Variants in MELK observed in about 807,000 individuals in gnomAD.
MELK encodes maternal embryonic leucine zipper kinase.
A neutral mutation model predicts 85.0 loss-of-function variants in MELK; 81 were observed. The observed-to-expected ratio is 0.95, with a 90% CI of 0.80 to 1.15. The LOEUF (loss-of-function observed/expected upper bound fraction) is 1.15. Among genes scored for constraint, MELK ranks in the 50% most tolerant of loss-of-function variants. The probability of loss-of-function intolerance (pLI) is 0.00; values close to 1 mark genes in which losing one functional copy is unlikely to be tolerated. For synonymous variants in MELK, 252 were observed against 265.0 expected (o/e 0.95, Z 0.48); for missense variants, 754 against 777.5 (o/e 0.97, Z 0.36).
chr9:36,619,273 CT>C (rs1241832921), intron 8 of MELK, among the ~76,000 whole-genome samples: 1 of 152,160 alleles, frequency 6.6e-6, no homozygotes, highest in Non-Finnish European at 1.5e-5. Context: ...TCTACGTATT[CT>C]TTAGGCAGTC....
intron 3 of MELK, among the ~76,000 whole-genome samples, chr9:36,587,682 C>T (rs1467398831): frequency 1.0e-4 from 15 of 149,690 alleles, no homozygotes; most frequent in Admixed American, 2.0e-4. Context: ...TGGCAACCTC[C>T]GCCTCCTGGG....
chr9:36,616,202 A>G (rs1174108283), intron 8 of MELK, among the ~76,000 whole-genome samples: 3 of 152,214 alleles, frequency 2.0e-5, no homozygotes, highest in South Asian at 2.1e-4. Context: ...CCCTTTGTAT[A>G]TACAGGTCTA....
chr9:36,676,270 A>G (rs1034682094), intron 17 of MELK, among the ~76,000 whole-genome samples: 15 of 152,244 alleles, frequency 9.9e-5, no homozygotes, highest in African/African-American at 3.6e-4. Context: ...AAAAGTACAT[A>G]ACTGAAACAA....
At chr9:36,647,128 CT>C (rs1221152724) in intron 11 of MELK, among the ~76,000 whole-genome samples, 1 of 152,058 alleles carries the variant, frequency 6.6e-6, no homozygotes, top group East Asian at 1.9e-4. Flanking sequence ...GAAAAAGATG[CT>C]TTTTTTGCCT....
At chr9:36,673,245 G>A (rs1472584164) in intron 16 of MELK, among the ~76,000 whole-genome samples, 1 of 152,078 alleles carries the variant, frequency 6.6e-6, no homozygotes, top group Non-Finnish European at 1.5e-5. Flanking sequence ...AAGAGTGCTG[G>A]ATCAGGAACC....
intron 8 of MELK, among the ~76,000 whole-genome samples, chr9:36,627,522 CTCTT>C (rs1828058200): frequency 7.3e-6 from 1 of 137,068 alleles, no homozygotes; most frequent in Admixed American, 7.0e-5. Context: ...CTCTCTCTCT[CTCTT>C]TTTTTTTTTT....
At chr9:36,667,635 G>A (rs1487288118) in intron 14 of MELK, among the ~76,000 whole-genome samples, 4 of 152,206 alleles carry the variant, frequency 2.6e-5, no homozygotes, top group Non-Finnish European at 5.9e-5. Context: ...GTTGGTCAAA[G>A]CTATTATTGG....
intron 4 of MELK, among the ~76,000 whole-genome samples, chr9:36,592,042 G>A (rs965667342): frequency 1.1e-4 from 17 of 152,050 alleles, no homozygotes; most frequent in African/African-American, 3.4e-4. Flanking sequence ...ATAGAAATGG[G>A]GGTCTTGGCC....
At chr9:36,665,856 A>G (rs1302745294) in intron 14 of MELK, among the ~76,000 whole-genome samples, 1 of 152,240 alleles carries the variant, frequency 6.6e-6, no homozygotes, top group Non-Finnish European at 1.5e-5. Flanking sequence ...GTTAGAGCTC[A>G]TTTAATCCAA....
intron 9 of MELK, among the ~76,000 whole-genome samples, chr9:36,631,330 T>G (rs1197104391): frequency 2.6e-5 from 4 of 151,674 alleles, no homozygotes; most frequent in Non-Finnish European, 5.9e-5. Context: ...CGATCTTGGC[T>G]CACCACAACC....
intron 8 of MELK, among the ~76,000 whole-genome samples, chr9:36,616,772 T>C (rs1826863987): frequency 6.6e-6 from 1 of 152,010 alleles, no homozygotes; most frequent in South Asian, 2.1e-4. Context: ...AGCCTGCATA[T>C]GTAAGGAATT....
At chr9:36,626,191 A>G (rs1485990667) in intron 8 of MELK, among the ~76,000 whole-genome samples, 1 of 152,162 alleles carries the variant, frequency 6.6e-6, no homozygotes, top group Non-Finnish European at 1.5e-5. Context: ...GAGCCCACCA[A>G]GAGTTTTGCC....
At chr9:36,606,594 GTATATAATATATACATATGTATAGGTGTA>G (rs1193830889) in intron 7 of MELK, among the ~76,000 whole-genome samples, 3 of 144,178 alleles carry the variant, frequency 2.1e-5, no homozygotes, top group Non-Finnish European at 4.5e-5. Context: ...GTATAGGTGT[GTATATAATATATACATATGTATAGGTGTA>G]TATATGGACA....
chr9:36,656,794 T>A (rs1039748176), intron 12 of MELK, among the ~76,000 whole-genome samples: 1 of 152,120 alleles, frequency 6.6e-6, no homozygotes, highest in Non-Finnish European at 1.5e-5. Context: ...TAATTTCTAT[T>A]TTTTGTAGAG....
At chr9:36,644,844 T>C (rs532834502) in intron 11 of MELK, among the ~76,000 whole-genome samples, 24 of 152,344 alleles carry the variant, frequency 1.6e-4, no homozygotes, top group African/African-American at 5.3e-4. Flanking sequence ...CAATTTAATC[T>C]ATATCCTACC....
intron 16 of MELK, among the ~76,000 whole-genome samples, chr9:36,674,404 G>C (rs1833156239): frequency 6.6e-6 from 1 of 152,130 alleles, no homozygotes; most frequent in South Asian, 2.1e-4. Context: ...AATCCAGAAA[G>C]AGTTAAGGAA....
intron 2 of MELK, among the ~76,000 whole-genome samples, chr9:36,583,268 C>T (rs570473569): frequency 1.1e-4 from 17 of 152,140 alleles, no homozygotes; most frequent in East Asian, 7.7e-4. Flanking sequence ...CCACCGCGCC[C>T]GGCCTCAAAT....
chr9:36,644,503 C>A (rs1404529738), intron 11 of MELK, among the ~76,000 whole-genome samples: 1 of 152,128 alleles, frequency 6.6e-6, no homozygotes, highest in Non-Finnish European at 1.5e-5. Context: ...AGTAAAGACA[C>A]ACAGAATGTA....
At chr9:36,609,609 C>T (rs1404001185) in intron 8 of MELK, among the ~76,000 whole-genome samples, 1 of 151,800 alleles carries the variant, frequency 6.6e-6, no homozygotes, top group Non-Finnish European at 1.5e-5. Context: ...CCACTACATC[C>T]GGCTAATTAA....
Sources: gnomAD v4.1 joint callset for allele counts (sites outside exome capture counted in the v4.1 genomes callset) on GRCh38, gnomAD v4.1.1 for gene constraint, MANE v1.5 for transcripts, NCBI Gene and HGNC (gene_info 2026-07-23, HGNC 2026-07-21) for gene names.